The following DLG2 variants were observed in gnomAD, a reference collection of about 807,000 sequenced individuals.
DLG2 encodes disks large homolog 2.
DLG2 carries 45 observed loss-of-function variants against 132.5 expected under a neutral mutation model. The observed-to-expected ratio is 0.34, with a 90% CI of 0.27 to 0.44. The LOEUF is 0.44. Ranked by LOEUF, DLG2 falls within the 20% of genes least tolerant of loss-of-function variation. DLG2 has a pLI of 1.00. For missense variants in DLG2, 1,045 were observed against 1,196.9 expected, an observed-to-expected ratio of 0.87 and a Z score of 1.87; for synonymous variants, 424 against 419.6, an observed-to-expected ratio of 1.01 and a Z score of -0.13.
intron 12 of DLG2, among the ~76,000 whole-genome samples, chr11:83,967,822 A>G (rs541611762): frequency 4.6e-5 from 7 of 152,102 alleles, no homozygotes; most frequent in Non-Finnish European, 7.4e-5. Flanking sequence ...CTTTTCCCCT[A>G]TGTTCTTTTC....
chr11:83,885,341 G>A (rs1302341195), intron 15 of DLG2, among the ~76,000 whole-genome samples: 2 of 152,186 alleles, frequency 1.3e-5, no homozygotes, highest in South Asian at 4.1e-4. Context: ...GGAAGAAAGG[G>A]TATCAGTGAT....
chr11:84,678,347 T>G (rs897452105), intron 6 of DLG2, among the ~76,000 whole-genome samples: 3 of 152,112 alleles, frequency 2.0e-5, no homozygotes, highest in Admixed American at 2.0e-4. Context: ...GTTTTCAGTC[T>G]AATACACCCT....
At chr11:84,083,934 C>T (rs2096937855) in intron 10 of DLG2, among the ~76,000 whole-genome samples, 2 of 152,092 alleles carry the variant, frequency 1.3e-5, no homozygotes, top group Non-Finnish European at 2.9e-5. Context: ...TAAGTGATCA[C>T]TTCATGGAAA....
intron 6 of DLG2, among the ~76,000 whole-genome samples, chr11:85,032,559 A>C (rs2061100075): frequency 6.6e-6 from 1 of 152,162 alleles, no homozygotes; most frequent in Non-Finnish European, 1.5e-5. Context: ...TAATTTGATA[A>C]GTGAAAGGTG....
intron 6 of DLG2, among the ~76,000 whole-genome samples, chr11:84,547,054 A>G (rs2099391377): frequency 6.6e-6 from 1 of 152,192 alleles, no homozygotes; most frequent in Admixed American, 6.5e-5. Context: ...ACCCTCTGAG[A>G]CATGGTAATC....
chr11:85,189,823 G>A (rs954903868), intron 4 of DLG2, among the ~76,000 whole-genome samples: 1 of 151,770 alleles, frequency 6.6e-6, no homozygotes, highest in Non-Finnish European at 1.5e-5. Context: ...TTAGAGACAG[G>A]GTCTCATTCT....
At chr11:83,514,539 T>G (rs1279484616) in intron 21 of DLG2, among the ~76,000 whole-genome samples, 1 of 152,152 alleles carries the variant, frequency 6.6e-6, no homozygotes, top group Non-Finnish European at 1.5e-5. Flanking sequence ...CCTGCCTGAT[T>G]GCCCTGGCCA....
At chr11:84,551,549 A>T (rs2099401890) in intron 6 of DLG2, among the ~76,000 whole-genome samples, 1 of 152,232 alleles carries the variant, frequency 6.6e-6, no homozygotes, top group Non-Finnish European at 1.5e-5. Context: ...AAACAAACTT[A>T]TGGAGTAGTT....
At chr11:85,069,102 G>T (rs7482950) in intron 6 of DLG2, among the ~76,000 whole-genome samples, 33,686 of 148,912 alleles carry the variant, frequency 0.23, 4,125 homozygotes, top group Middle Eastern at 0.28. Flanking sequence ...TAGCCATATG[G>T]AGAAAGCTGA....
chr11:83,906,155 G>C (rs1372400183), intron 15 of DLG2, among the ~76,000 whole-genome samples: 1 of 144,414 alleles, frequency 6.9e-6, no homozygotes, highest in Non-Finnish European at 1.5e-5. Context: ...GTTATAAATA[G>C]TTTTGTGAAT....
chr11:85,234,563 A>G (rs143676186), intron 4 of DLG2, among the ~76,000 whole-genome samples: 117 of 152,140 alleles, frequency 7.7e-4, no homozygotes, highest in African/African-American at 2.7e-3. Context: ...AGACAATTAA[A>G]TGGGGCACCC....
intron 3 of DLG2, among the ~76,000 whole-genome samples, chr11:85,431,765 G>A (rs991109324): frequency 2.0e-5 from 3 of 152,240 alleles, no homozygotes; most frequent in South Asian, 2.1e-4. Flanking sequence ...GGACAACCCA[G>A]ATGAGTGGGG....
intron 8 of DLG2, among the ~76,000 whole-genome samples, chr11:84,241,061 T>G (rs2097219260): frequency 6.6e-6 from 1 of 152,322 alleles, no homozygotes; most frequent in South Asian, 2.1e-4. Flanking sequence ...TACTTGCACT[T>G]CCCTCTTCTT....
intron 4 of DLG2, among the ~76,000 whole-genome samples, chr11:85,220,299 G>A (rs1467668053): frequency 3.9e-5 from 6 of 152,192 alleles, no homozygotes; most frequent in Non-Finnish European, 8.8e-5. Context: ...CCACCAAGAA[G>A]GTGCTATTTA....
chr11:84,791,322 T>C lies in DLG2; in HGVS notation c.358-256591A>G, dbSNP rs558304192. On this transcript the variant is annotated intron_variant, in intron 6 of 27. Coordinates refer to ENST00000376104, the MANE Select transcript of DLG2 (RefSeq NM_001142699.3). Reference sequence around the variant, plus strand: ...GTCTATGCATCTGCTTTTATGGCAGTACCGTGCTATTGTGGTTACTATAAC... The same window carrying C: ...GTCTATGCATCTGCTTTTATGGCAGCACCGTGCTATTGTGGTTACTATAAC... Among the ~76,000 whole-genome samples, 5 of 152,330 alleles carry C rather than the reference T, an allele frequency of 3.3e-5. No homozygotes were observed. In the East Asian group the frequency reaches 9.6e-4, roughly 29 times the overall value.
intron 6 of DLG2, among the ~76,000 whole-genome samples, chr11:84,679,870 G>C (rs2099724354): frequency 6.6e-6 from 1 of 152,030 alleles, no homozygotes; most frequent in African/African-American, 2.4e-5. Context: ...TTGGGTTTGG[G>C]ACAATTTATT....
chr11:85,205,624 T>C (rs1032986113), intron 4 of DLG2, among the ~76,000 whole-genome samples: 1 of 152,190 alleles, frequency 6.6e-6, no homozygotes, highest in African/African-American at 2.4e-5. Context: ...ACACATTGTA[T>C]ACATGTATCA....
At chr11:85,069,774 A>G (rs1306252431) in intron 6 of DLG2, among the ~76,000 whole-genome samples, 1 of 152,160 alleles carries the variant, frequency 6.6e-6, no homozygotes, top group African/African-American at 2.4e-5. Context: ...AACTAGAAAT[A>G]CCATTTGACC....
chr11:83,933,384 C>T (rs73508261), intron 14 of DLG2, among the ~76,000 whole-genome samples: 2,525 of 152,318 alleles, frequency 0.017, 59 homozygotes, highest in African/African-American at 0.057. Flanking sequence ...GGTACAATCT[C>T]TAAGTGAATT....
Sources: gnomAD v4.1 joint callset for allele counts (sites outside exome capture counted in the v4.1 genomes callset) on GRCh38, gnomAD v4.1.1 for gene constraint, MANE v1.5 for transcripts, NCBI Gene and HGNC (gene_info 2026-07-23, HGNC 2026-07-21) for gene names.